SURF2: variants seen among roughly 807,000 people sequenced by gnomAD.
The protein encoded by SURF2 is surfeit 2.
Under a neutral mutation model 26.2 loss-of-function variants are expected in SURF2, and 32 were observed. That is an observed-to-expected ratio of 1.22 (90% CI 0.92 to 1.64). The LOEUF (loss-of-function observed/expected upper bound fraction) is 1.64. Among genes scored for constraint, SURF2 ranks in the 40% most tolerant of loss-of-function variants. The pLI is 0.00. For synonymous variants in SURF2, 173 were observed against 139.1 expected, an observed-to-expected ratio of 1.24 and a Z score of -1.71; for missense variants, 415 against 341.6, an observed-to-expected ratio of 1.21 and a Z score of -1.69.
At chr9:133,358,309 G>GT (rs1367986594) in intron 3 of SURF2, among the ~76,000 whole-genome samples, 1 of 152,152 alleles carries the variant, frequency 6.6e-6, no homozygotes, top group Non-Finnish European at 1.5e-5. Context: ...GAGCACTGCA[G>GT]TGGGTGTGTG....
rs1489141661 is a variant in SURF2 at position 133,356,572 on chromosome 9, T to C, written c.-21T>C. The stretch of plus-strand genomic sequence containing the variant: ...GTTCTGCGAGCGGCTTCCGCCGGGC[T>C]GCTCCGCGGGCGCGTCGGCCATGAG... On this transcript the variant is annotated 5_prime_UTR_variant, in exon 1 of 6. Coordinates refer to ENST00000371964, the MANE Select transcript of SURF2 (RefSeq NM_017503.5). 6.6e-7 allele frequency: 1 copy of C among 1,515,148 alleles called. No individual in the cohort carries two copies. The highest frequency in any genetic ancestry group is 8.8e-7 in the Non-Finnish European group (1 of 1,139,222). 93.9% of individuals were successfully genotyped at this position (1,515,148 alleles called of 1,614,324 possible). A position where few individuals can be genotyped will look rare whatever the true frequency, so the allele number is the denominator to read the frequency against.
chr9:133,360,462 G>A (rs2130052254), intron 5 of SURF2, 28 bp downstream of exon 5: 3 of 1,564,842 alleles, frequency 1.9e-6, no homozygotes, highest in South Asian at 1.2e-5. Flanking sequence ...CTGTTAGTGT[G>A]GCAGTGGCTT....
intron 2 of SURF2, 125 bp from the exon 3 acceptor site, chr9:133,357,586 G>A (rs1564352715): frequency 1.2e-6 from 1 of 830,860 alleles, no homozygotes; most frequent in South Asian, 1.7e-5. Context: ...ATTGCTCCGG[G>A]AGCCTTTAAA....
In SURF2 at chr9:133,357,694, G is replaced by T; in HGVS notation, c.234-17G>T. ...GCTGTGAACTGTCCCTACAAATTTG[G>T]TCTCTCTGCTCTGTAGGCACCAGTT... On this transcript the variant is annotated splice_polypyrimidine_tract_variant and intron_variant, in intron 2 of 5. Transcript: ENST00000371964. 1 of 1,612,786 alleles carries T rather than the reference G, an allele frequency of 6.2e-7. No homozygotes were observed. Among genetic ancestry groups the T allele is most frequent in the Non-Finnish European group, 8.5e-7 (1 of 1,179,232 alleles).
Position 133,356,591 on chromosome 9 carries a change from C to G in SURF2, c.-2C>G, listed in dbSNP as rs2130028374. On this transcript the variant is annotated 5_prime_UTR_variant, in exon 1 of 6. Transcript: ENST00000371964. Reference sequence around the variant, plus strand: ...CCGGGCTGCTCCGCGGGCGCGTCGGCCATGAGCGAGTTGCCGGGCGACGTG... The same window carrying G: ...CCGGGCTGCTCCGCGGGCGCGTCGGGCATGAGCGAGTTGCCGGGCGACGTG... 629 of 1,522,886 alleles carry G rather than the reference C, an allele frequency of 4.1e-4. 11 individuals are homozygous for G. In the South Asian group the frequency reaches 6.9e-3, roughly 17 times the overall value. The allele number at this position is 1,522,886 out of a possible 1,614,324, so 94.3% of individuals were successfully genotyped here. A position where few individuals can be genotyped will look rare whatever the true frequency, so the allele number is the denominator to read the frequency against.
In SURF2 at chr9:133,357,790, C is replaced by A; in HGVS notation, c.313C>A (p.Arg105=). The A allele has an allele frequency of 6.2e-7, 1 of 1,613,598 alleles. No individual in the cohort carries two copies. The highest frequency in any genetic ancestry group is 8.5e-7 in the Non-Finnish European group (1 of 1,180,014). Reference sequence around the variant, plus strand: ...CGTGCTGAGGCACACCCAGGGCCGGCGGTACCAGCGAGCTCTGTGTAAATG... The same window carrying A: ...CGTGCTGAGGCACACCCAGGGCCGGAGGTACCAGCGAGCTCTGTGTAAATG... ...EHVLRHTQGR[R]YQRALCKYEE... is the part of the protein sequence containing the mutation. The change falls in exon 3 of 6, where the codon CGG becomes AGG. Residue 105 remains arginine (R), a synonymous_variant. Coordinates refer to ENST00000371964, the MANE Select transcript of SURF2 (RefSeq NM_017503.5).
At chr9:133,360,604 A>C (rs1045719638) in intron 5 of SURF2, among the ~76,000 whole-genome samples, 170 bp downstream of exon 5, 31 of 152,380 alleles carry the variant, frequency 2.0e-4, no homozygotes, top group African/African-American at 7.5e-4. Flanking sequence ...GTGAGTGCCT[A>C]CCATTGCTTC....
intron 2 of SURF2, 64 bp from the exon 3 acceptor site, chr9:133,357,647 A>ATC: frequency 6.6e-7 from 1 of 1,517,606 alleles, no homozygotes; most frequent in South Asian, 1.1e-5. Flanking sequence ...AGTCCAAGAC[A>ATC]CAGCCACCAG....
Position 133,360,105 on chromosome 9 carries a change from G to A in SURF2, c.493G>A (p.Asp165Asn), listed in dbSNP as rs2130047805. 2 of 1,612,034 alleles carry A rather than the reference G, an allele frequency of 1.2e-6. No individual in the cohort carries two copies. The highest frequency in any genetic ancestry group is 3.3e-5 in the Admixed American group (2 of 59,938). Residue 165 changes from aspartate to asparagine, a missense_variant, in exon 4 of 6, where the codon GAC (aspartate) becomes AAC (asparagine). Physicochemically the swap from Asp to Asn is conservative, Grantham distance 23. Transcript: ENST00000371964. ...TGATGAGGGGGGAGCTGCAAGTGAT[G>A]ACAGCATGACAGACCTGTACCCACG... ...SSDEGGAASD[D>N]SMTDLYPPEL...
At position 133,360,032 on chromosome 9, in the gene SURF2, C is replaced by A. The variant is rs144144547; in HGVS notation, c.420C>A (p.Asp140Glu). ...HRRRRREDQM[D>E]GDGPRPREAF... Reference sequence around the variant, plus strand: ...GGAGGAGGAGGGAGGACCAGATGGACGGTGACGGGCCTCGCCCGCGGGAAG... The same window carrying A: ...GGAGGAGGAGGGAGGACCAGATGGAAGGTGACGGGCCTCGCCCGCGGGAAG... Residue 140 changes from aspartate (D) to glutamate (E), a missense_variant, in exon 4 of 6, where the codon GAC becomes GAA. By Grantham distance (45) the Asp-to-Glu change is conservative. Transcript: ENST00000371964. 16 of 1,613,894 alleles carry A rather than the reference C, an allele frequency of 9.9e-6. No homozygotes were observed. The highest frequency in any genetic ancestry group is 5.0e-5 in the Admixed American group (3 of 59,982).
chr9:133,359,503 G>A (rs1836696114), intron 3 of SURF2, among the ~76,000 whole-genome samples: 1 of 152,234 alleles, frequency 6.6e-6, no homozygotes, highest in Non-Finnish European at 1.5e-5. Flanking sequence ...CAAAGGCCAG[G>A]CAGCCAACCT....
chr9:133,357,932 C>T, intron 3 of SURF2, 118 bp downstream of exon 3: 1 of 976,920 alleles, frequency 1.0e-6, no homozygotes, highest in Non-Finnish European at 1.5e-6. Context: ...ATGCATCAGG[C>T]CTGTTTTTTG....
intron 5 of SURF2, among the ~76,000 whole-genome samples, chr9:133,360,836 A>G (rs1255300048): frequency 6.6e-6 from 1 of 152,266 alleles, no homozygotes; most frequent in East Asian, 1.9e-4. Flanking sequence ...AAAAGAGGAC[A>G]AGGTCCTAAT....
At chr9:133,359,037 T>A (rs1421370700) in intron 3 of SURF2, among the ~76,000 whole-genome samples, 1 of 152,208 alleles carries the variant, frequency 6.6e-6, no homozygotes, top group African/African-American at 2.4e-5. Context: ...CTTGGACTTT[T>A]TCCAGCCAGT....
intron 3 of SURF2, 59 bp downstream of exon 3, chr9:133,357,873 C>G: frequency 6.5e-7 from 1 of 1,535,244 alleles, no homozygotes; most frequent in Non-Finnish European, 8.9e-7. Context: ...CCGCCTTGCC[C>G]CAGATGGAGC....
At chr9:133,357,602 G>A (rs1295929295) in intron 2 of SURF2, 109 bp from the exon 3 acceptor site, 2 of 1,046,324 alleles carry the variant, frequency 1.9e-6, no homozygotes, top group Non-Finnish European at 2.8e-6. Context: ...TTAAAAGCCC[G>A]ATGTCCAAGC....
At chr9:133,358,881 C>T (rs1479947040) in intron 3 of SURF2, among the ~76,000 whole-genome samples, 6 of 152,122 alleles carry the variant, frequency 3.9e-5, no homozygotes, top group African/African-American at 9.7e-5. Context: ...TGGGAAGATG[C>T]GTCTACGGGC....
chr9:133,360,474 C>T (rs1489953189), intron 5 of SURF2, 40 bp downstream of exon 5: 5 of 1,528,098 alleles, frequency 3.3e-6, no homozygotes, highest in East Asian at 4.6e-5. Flanking sequence ...CAGTGGCTTC[C>T]CCTAGTGATG....
intron 3 of SURF2, among the ~76,000 whole-genome samples, chr9:133,358,081 G>A (rs1836657645): frequency 6.6e-6 from 1 of 152,194 alleles, no homozygotes; most frequent in South Asian, 2.1e-4. Flanking sequence ...GGGATGTGGG[G>A]TGGGCTTGCG....
Sources: gnomAD v4.1 joint callset for allele counts (sites outside exome capture counted in the v4.1 genomes callset) on GRCh38, gnomAD v4.1.1 for gene constraint, MANE v1.5 for transcripts, NCBI Gene and HGNC (gene_info 2026-07-23, HGNC 2026-07-21) for gene names.